FAM227B: variants seen among roughly 807,000 people sequenced by gnomAD.
FAM227B encodes the protein family with sequence similarity 227 member B.
Under a neutral mutation model 73.8 loss-of-function variants are expected in FAM227B, and 88 were observed. The observed-to-expected ratio is 1.19, with a 90% CI of 1.00 to 1.42. The LOEUF is 1.42. Among genes scored for constraint, FAM227B ranks in the 40% most tolerant of loss-of-function variants. The pLI is 0.00. For missense variants in FAM227B, 632 were observed against 590.9 expected (o/e 1.07, Z -0.72); for synonymous variants, 210 against 190.5 (o/e 1.10, Z -0.84).
At chr15:49,421,772 C>A (rs186394432) in intron 11 of FAM227B, among the ~76,000 whole-genome samples, 74 of 152,230 alleles carry the variant, frequency 4.9e-4, no homozygotes, top group Admixed American at 4.4e-3. Flanking sequence ...TGTTACCTCC[C>A]AAACTAGCGG....
chr15:49,544,935 T>C (rs2071611267), intron 9 of FAM227B, among the ~76,000 whole-genome samples: 1 of 152,190 alleles, frequency 6.6e-6, no homozygotes. Context: ...TTTGCATCTA[T>C]GTTCATCAAG....
intron 3 of FAM227B, among the ~76,000 whole-genome samples, chr15:49,605,185 C>A (rs964300169): frequency 6.6e-6 from 1 of 152,128 alleles, no homozygotes; most frequent in African/African-American, 2.4e-5. Context: ...TGTCAGCCCA[C>A]CCAGAAAATG....
chr15:49,424,249 G>T, intron 11 of FAM227B: 1 of 1,530,662 alleles, frequency 6.5e-7, no homozygotes, highest in South Asian at 1.2e-5. Context: ...ATCAACTCAA[G>T]ATTCATTTTC....
At chr15:49,457,541 T>C (rs1390380918) in intron 11 of FAM227B, among the ~76,000 whole-genome samples, 4 of 151,988 alleles carry the variant, frequency 2.6e-5, no homozygotes, top group Admixed American at 1.3e-4. Context: ...GTAACTACAT[T>C]ATCAAATTCC....
intron 14 of FAM227B, among the ~76,000 whole-genome samples, chr15:49,333,564 G>T (rs141656418): frequency 0.017 from 2,581 of 152,248 alleles, 35 homozygotes; most frequent in Middle Eastern, 0.031. Flanking sequence ...GCAGAAAGCT[G>T]GGTGATAAAG....
chr15:49,487,470 T>C (rs1169577269), intron 11 of FAM227B: 2 of 151,852 alleles, frequency 1.3e-5, no homozygotes, highest in Non-Finnish European at 2.9e-5. Flanking sequence ...AGCCTTTGAG[T>C]TGGCTACAAA....
intron 11 of FAM227B, among the ~76,000 whole-genome samples, chr15:49,372,419 TAGA>T (rs1373398156): frequency 6.6e-6 from 1 of 152,174 alleles, no homozygotes; most frequent in Non-Finnish European, 1.5e-5. Flanking sequence ...TACTAAGTAG[TAGA>T]AGGAGAGGAC....
At chr15:49,499,794 A>G (rs892880726) in intron 11 of FAM227B, among the ~76,000 whole-genome samples, 1 of 152,212 alleles carries the variant, frequency 6.6e-6, no homozygotes, top group African/African-American at 2.4e-5. Context: ...AAATGGTGCT[A>G]AAGCAATATG....
chr15:49,428,073 G>A (rs926760336), intron 11 of FAM227B, among the ~76,000 whole-genome samples: 5 of 151,892 alleles, frequency 3.3e-5, no homozygotes. Context: ...TGTATTAGTA[G>A]ACATATAAAT....
intron 8 of FAM227B, among the ~76,000 whole-genome samples, chr15:49,568,658 T>A (rs2074854111): frequency 6.6e-6 from 1 of 152,034 alleles, no homozygotes; most frequent in Admixed American, 6.6e-5. Flanking sequence ...TTTCAAGGCC[T>A]TAGCACAGTA....
At chr15:49,617,937 C>T (rs536789839) in intron 1 of FAM227B, among the ~76,000 whole-genome samples, 1 of 152,190 alleles carries the variant, frequency 6.6e-6, no homozygotes, top group Non-Finnish European at 1.5e-5. Flanking sequence ...GGGCTTCTAG[C>T]AGTCACCTGC....
intron 9 of FAM227B, among the ~76,000 whole-genome samples, chr15:49,553,874 C>G (rs2073337819): frequency 6.6e-6 from 1 of 152,194 alleles, no homozygotes; most frequent in South Asian, 2.1e-4. Flanking sequence ...CCCAAGAGCA[C>G]AGCTGATGCT....
chr15:49,431,403 T>A (rs2050605599), intron 11 of FAM227B, among the ~76,000 whole-genome samples: 1 of 151,828 alleles, frequency 6.6e-6, no homozygotes, highest in Admixed American at 6.6e-5. Flanking sequence ...TCCTTAACTA[T>A]GTGTATGAAA....
intron 11 of FAM227B, among the ~76,000 whole-genome samples, chr15:49,421,741 A>G (rs2049642645): frequency 6.6e-6 from 1 of 152,166 alleles, no homozygotes; most frequent in Non-Finnish European, 1.5e-5. Context: ...AAGTCCTAGG[A>G]ATTCTGAGCC....
chr15:49,541,069 T>A (rs539686079), intron 10 of FAM227B, among the ~76,000 whole-genome samples: 1 of 152,300 alleles, frequency 6.6e-6, no homozygotes, highest in African/African-American at 2.4e-5. Context: ...TGAAAACAGT[T>A]AATAGCTTCT....
At chr15:49,491,734 C>T (rs937926464) in intron 11 of FAM227B, among the ~76,000 whole-genome samples, 2 of 150,704 alleles carry the variant, frequency 1.3e-5, no homozygotes, top group Admixed American at 6.6e-5. Context: ...CACACACACA[C>T]ATATATATAT....
intron 11 of FAM227B, among the ~76,000 whole-genome samples, chr15:49,426,461 A>T: frequency 6.6e-6 from 1 of 151,978 alleles, no homozygotes; most frequent in African/African-American, 2.4e-5. Flanking sequence ...AAAAGCAAAA[A>T]AGTAGATGTA....
chr15:49,439,719 C>T (rs958793961), intron 11 of FAM227B, among the ~76,000 whole-genome samples: 11 of 151,868 alleles, frequency 7.2e-5, no homozygotes, highest in African/African-American at 2.7e-4. Context: ...TGGCTCTCTT[C>T]TCTTACTGCA....
intron 11 of FAM227B, among the ~76,000 whole-genome samples, chr15:49,426,826 T>C (rs1467735937): frequency 1.3e-5 from 2 of 151,980 alleles, no homozygotes; most frequent in South Asian, 2.1e-4. Context: ...TTTACTTCTA[T>C]AAACTTTTTA....
Sources: gnomAD v4.1 joint callset for allele counts (sites outside exome capture counted in the v4.1 genomes callset) on GRCh38, gnomAD v4.1.1 for gene constraint, MANE v1.5 for transcripts, NCBI Gene and HGNC (gene_info 2026-07-23, HGNC 2026-07-21) for gene names.